GRHL2: variants seen among roughly 807,000 people sequenced by gnomAD.
The protein encoded by GRHL2 is grainyhead-like protein 2 homolog.
A neutral mutation model predicts 83.8 loss-of-function variants in GRHL2; 21 were observed. The ratio of observed to expected loss-of-function variants is 0.25; its 90% CI spans 0.18 to 0.36. The LOEUF (loss-of-function observed/expected upper bound fraction) is 0.36, where lower values mean the gene tolerates loss of function less well. Ranked by LOEUF, GRHL2 falls within the 10% of genes least tolerant of loss-of-function variation. The pLI is 1.00. For synonymous variants in GRHL2, 280 were observed against 278.9 expected, an observed-to-expected ratio of 1.00 and a Z score of -0.04; for missense variants, 623 against 781.8, an observed-to-expected ratio of 0.80 and a Z score of 2.42.
At chr8:101,524,413 C>T (rs563416802) in intron 1 of GRHL2, among the ~76,000 whole-genome samples, 18 of 152,022 alleles carry the variant, frequency 1.2e-4, no homozygotes, top group South Asian at 2.1e-4. Flanking sequence ...TTTTCTAACA[C>T]GTTACATGCT....
intron 7 of GRHL2, among the ~76,000 whole-genome samples, chr8:101,589,421 T>A (rs1337248866): frequency 1.3e-5 from 2 of 152,228 alleles, no homozygotes; most frequent in Admixed American, 6.5e-5. Context: ...TATGTGTGTC[T>A]ATGTACAGGA....
At chr8:101,596,935 A>G (rs1295772350) in intron 7 of GRHL2, among the ~76,000 whole-genome samples, 3 of 152,244 alleles carry the variant, frequency 2.0e-5, no homozygotes, top group Non-Finnish European at 4.4e-5. Context: ...CCATAGAAAC[A>G]CAGCAAAGGA....
intron 1 of GRHL2, among the ~76,000 whole-genome samples, chr8:101,508,683 C>T (rs894409511): frequency 1.8e-4 from 27 of 152,174 alleles, no homozygotes; most frequent in African/African-American, 6.3e-4. Context: ...TTCAAGGTAC[C>T]TAGTCAAGGG....
At chr8:101,631,037 A>G (rs770930899) in intron 9 of GRHL2, among the ~76,000 whole-genome samples, 20 of 152,188 alleles carry the variant, frequency 1.3e-4, no homozygotes, top group Admixed American at 1.3e-3. Context: ...ACATTTTTCT[A>G]TTTGGTTGAA....
chr8:101,595,147 G>GT (rs1369011113), intron 7 of GRHL2, among the ~76,000 whole-genome samples: 9 of 152,262 alleles, frequency 5.9e-5, no homozygotes, highest in Admixed American at 2.0e-4. Context: ...ACACTGCCTG[G>GT]CACATAGAGG....
intron 4 of GRHL2, among the ~76,000 whole-genome samples, chr8:101,565,353 T>C (rs935199815): frequency 1.3e-5 from 2 of 152,192 alleles, no homozygotes; most frequent in African/African-American, 4.8e-5. Context: ...GAAGAATTTG[T>C]TTATTCTGTA....
chr8:101,632,556 C>T (rs997930859), intron 11 of GRHL2, among the ~76,000 whole-genome samples, 191 bp downstream of exon 11: 2 of 152,272 alleles, frequency 1.3e-5, no homozygotes, highest in African/African-American at 2.4e-5. Context: ...GAAACTAAGT[C>T]GAAGAGGAGA....
the GRHL2 span, among the ~76,000 whole-genome samples, chr8:101,677,818 G>T: frequency 6.6e-6 from 1 of 152,068 alleles, no homozygotes; most frequent in East Asian, 1.9e-4. Context: ...TACAGCAAGT[G>T]CCCAGGACCT....
intron 7 of GRHL2, among the ~76,000 whole-genome samples, chr8:101,595,147 G>A (rs1412412544): frequency 6.6e-6 from 1 of 152,146 alleles, no homozygotes; most frequent in Non-Finnish European, 1.5e-5. Context: ...ACACTGCCTG[G>A]CACATAGAGG....
intron 14 of GRHL2, among the ~76,000 whole-genome samples, chr8:101,654,066 G>A (rs751860945): frequency 6.6e-5 from 10 of 152,154 alleles, no homozygotes; most frequent in South Asian, 2.1e-4. Context: ...TAACCGCATC[G>A]CAGCGGATTT....
At chr8:101,624,500 G>A (rs953599534) in intron 9 of GRHL2, among the ~76,000 whole-genome samples, 4 of 151,056 alleles carry the variant, frequency 2.6e-5, no homozygotes, top group African/African-American at 9.8e-5. Context: ...ACAGTTCAGA[G>A]TACACAGTAG....
At chr8:101,536,947 A>G (rs1811056836) in intron 1 of GRHL2, among the ~76,000 whole-genome samples, 1 of 148,026 alleles carries the variant, frequency 6.8e-6, no homozygotes, top group Non-Finnish European at 1.5e-5. Flanking sequence ...GCCCTCTGGT[A>G]GGCACCAGTG....
At chr8:101,498,494 C>G (rs1563551115) in intron 1 of GRHL2, among the ~76,000 whole-genome samples, 2 of 152,144 alleles carry the variant, frequency 1.3e-5, no homozygotes, top group Non-Finnish European at 2.9e-5. Context: ...GTAAAGAGCT[C>G]TAGTTTGATG....
At chr8:101,614,518 A>T (rs113906811) in intron 8 of GRHL2, among the ~76,000 whole-genome samples, 9 of 143,080 alleles carry the variant, frequency 6.3e-5, no homozygotes, top group Non-Finnish European at 1.0e-4. Context: ...CACGGCATTT[A>T]TACATCCTTT....
intron 4 of GRHL2, among the ~76,000 whole-genome samples, chr8:101,567,226 A>G (rs1811736068): frequency 6.6e-6 from 1 of 152,222 alleles, no homozygotes; most frequent in Non-Finnish European, 1.5e-5. Flanking sequence ...AGAGTAATCT[A>G]TCAAGTATAT....
At chr8:101,655,604 GA>G (rs1813768660) in intron 14 of GRHL2, among the ~76,000 whole-genome samples, 4 of 138,334 alleles carry the variant, frequency 2.9e-5, no homozygotes, top group South Asian at 4.7e-4. Context: ...GCTAGAACAA[GA>G]AAAAAAGTTC....
Position 101,495,175 on chromosome 8 carries a change from A to AAGTG in GRHL2, c.20+2389_20+2392dup, listed in dbSNP as rs1333861099. Among the ~76,000 whole-genome samples, 13 of 152,330 alleles carry AAGTG rather than the reference A, an allele frequency of 8.5e-5. No individual in the cohort carries two copies. In the East Asian group the frequency reaches 2.3e-3, roughly 27 times the overall value. The stretch of plus-strand genomic sequence containing the variant: ...ACAGCGTGGGGCTTCCTTCCTGAGC[A>AAGTG]AGTGAGAGGCTTCATCAGCCTCATG... On this transcript the variant is annotated intron_variant, in intron 1 of 15. Coordinates refer to ENST00000646743, the MANE Select transcript of GRHL2 (RefSeq NM_024915.4).
downstream of GRHL2, among the ~76,000 whole-genome samples, chr8:101,674,691 C>A (rs1219233114): frequency 6.6e-6 from 1 of 152,166 alleles, no homozygotes; most frequent in Non-Finnish European, 1.5e-5. Context: ...AGAGGAAATC[C>A]TCCCTAACTC....
chr8:101,503,782 G>A (rs970412322), intron 1 of GRHL2, among the ~76,000 whole-genome samples: 4 of 152,284 alleles, frequency 2.6e-5, no homozygotes, highest in African/African-American at 7.2e-5. Flanking sequence ...TTAATGATAA[G>A]AGAAAGTGTT....
Sources: gnomAD v4.1 joint callset for allele counts (sites outside exome capture counted in the v4.1 genomes callset) on GRCh38, gnomAD v4.1.1 for gene constraint, MANE v1.5 for transcripts, NCBI Gene and HGNC (gene_info 2026-07-23, HGNC 2026-07-21) for gene names.